Variants in ANHX observed in about 807,000 individuals in gnomAD.
ANHX encodes the protein anomalous homeobox protein.
Under a neutral mutation model 38.9 loss-of-function variants are expected in ANHX, and 20 were observed. The ratio of observed to expected loss-of-function variants is 0.51; its 90% confidence interval spans 0.36 to 0.75. The LOEUF (loss-of-function observed/expected upper bound fraction) is 0.75, where lower values mean the gene tolerates loss of function less well. Ranked by LOEUF, ANHX falls within the 30% of genes least tolerant of loss-of-function variation. The pLI is 0.00. For synonymous variants in ANHX, 185 were observed against 203.1 expected (o/e 0.91, Z 0.76); for missense variants, 475 against 493.1 (o/e 0.96, Z 0.35).
In ANHX at chr12:133,221,763, C is replaced by T. The variant is rs547435520; in HGVS notation, c.1133-411G>A. On this transcript the variant is annotated intron_variant, in intron 7 of 9. Coordinates refer to ENST00000545940, the MANE Select transcript of ANHX (RefSeq NM_001372060.1). This position sits in a 1 kb window ranked among gnomAD's most constrained non-coding sequence, Gnocchi z 4.1. ...CAGCCCTTGGTGGTTTCCACTTTTA[C>T]CTCTTACTAAGGTTACCAAGATGTC... 6.6e-6 allele frequency among the ~76,000 whole-genome samples: 1 copy of T among 152,288 alleles called. No homozygotes were observed. Among genetic ancestry groups the T allele is most frequent in the Admixed American group, 6.5e-5 (1 of 15,300 alleles).
intron 7 of ANHX, among the ~76,000 whole-genome samples, chr12:133,223,957 G>T (rs1260353716): frequency 1.3e-5 from 2 of 152,148 alleles, no homozygotes; most frequent in Non-Finnish European, 2.9e-5. Flanking sequence ...AACCAAACTT[G>T]AAGACAGATT....
rs187214650 is a variant in ANHX, at chr12:133,219,973, C to T, written c.1281-606G>A. Among the ~76,000 whole-genome samples the T allele has an allele frequency of 2.4e-4, 36 of 152,184 alleles. No homozygotes were observed. In the Middle Eastern group the frequency reaches 0.01, roughly 43 times the overall value. ...TGACTCTCAAAGTCGTCATGCAGAG[C>T]GAAGGAAGCCAGACCACAGCAAAAC... is the stretch of plus-strand genomic sequence containing the variant. On this transcript the variant is annotated intron_variant, in intron 8 of 9. Transcript: ENST00000545940.
At chr12:133,225,057 T>G (rs1162332013) in intron 7 of ANHX, among the ~76,000 whole-genome samples, 2 of 152,000 alleles carry the variant, frequency 1.3e-5, no homozygotes, top group Non-Finnish European at 2.9e-5. Flanking sequence ...AGTCTCATGA[T>G]TCTGGTGTAC....
chr12:133,228,174 C>T (rs1364274224), intron 3 of ANHX, among the ~76,000 whole-genome samples: 7 of 152,160 alleles, frequency 4.6e-5, no homozygotes, highest in African/African-American at 1.7e-4. Context: ...GAGGAGCCCT[C>T]TGTGGGCCCT....
rs1379991747 is a variant in ANHX, at chr12:133,224,944, G to GCAAC, written c.1132+591_1132+592insGTTG. On this transcript the variant is annotated intron_variant, in intron 7 of 9. Transcript: ENST00000545940. ...ATCACGCCACTGCACTCCAGCCTGGGTGAGCAAGACTCCGTCTCAAAAAAA... is the reference window on the plus strand; with the variant it reads ...ATCACGCCACTGCACTCCAGCCTGGGCAACTGAGCAAGACTCCGTCTCAAAAAAA... Among the ~76,000 whole-genome samples the GCAAC allele has an allele frequency of 7.1e-4, 104 of 147,294 alleles. 2 individuals are homozygous for GCAAC. Among genetic ancestry groups the GCAAC allele is most frequent in the Non-Finnish European group, 4.5e-4 (30 of 67,094 alleles).
At position 133,231,528 on chromosome 12, in the gene ANHX, G is replaced by T; in HGVS notation, c.366C>A (p.Arg122=). The T allele has an allele frequency of 6.5e-7, 1 of 1,536,148 alleles. No homozygotes were observed. The highest frequency in any genetic ancestry group is 8.7e-7 in the Non-Finnish European group (1 of 1,146,916). The change falls in exon 3 of 10, where the codon CGC becomes CGA. Residue 122 remains arginine, a synonymous_variant. Coordinates refer to ENST00000545940, the MANE Select transcript of ANHX (RefSeq NM_001372060.1). ...TGCTTGTAGGTTACCTCTTCCTGCA[G>T]CGGAACTTCTGCACCGGGGTGAGCG... The part of the protein sequence containing the change: ...VAALTPVQKF[R]CRKRNPPPPS...
chr12:133,224,462 G>C, intron 7 of ANHX, among the ~76,000 whole-genome samples: 1 of 149,760 alleles, frequency 6.7e-6, no homozygotes, highest in East Asian at 2.0e-4. Context: ...AGGAGTTTGA[G>C]ACCAGCCTGG....
At chr12:133,230,049 C>A (rs879894472) in intron 3 of ANHX, among the ~76,000 whole-genome samples, 1 of 152,238 alleles carries the variant, frequency 6.6e-6, no homozygotes, top group Non-Finnish European at 1.5e-5. Flanking sequence ...AAGCAGCCAA[C>A]CTTGCACAGC....
At chr12:133,219,655 A>G (rs1416602561) in intron 8 of ANHX, among the ~76,000 whole-genome samples, 3 of 152,184 alleles carry the variant, frequency 2.0e-5, no homozygotes, top group African/African-American at 4.8e-5. Flanking sequence ...AGAGACCTCA[A>G]AGGAGGAAGA....
Position 133,221,357 on chromosome 12 carries a change from A to T in ANHX, c.1133-5T>A. On this transcript the variant is annotated splice_region_variant and splice_polypyrimidine_tract_variant and intron_variant, in intron 7 of 9. Coordinates refer to ENST00000545940, the MANE Select transcript of ANHX (RefSeq NM_001372060.1). This position sits in a 1 kb window ranked among gnomAD's most constrained non-coding sequence, Gnocchi z 4.1. ...CGCTGGGGGGGCCAGAAAACCCTGC[A>T]TGTAATGAGATTCCACGGCACACTG... The T allele has an allele frequency of 6.5e-7, 1 of 1,533,578 alleles. No individual in the cohort carries two copies. The highest frequency in any genetic ancestry group is 8.7e-7 in the Non-Finnish European group (1 of 1,145,572). The allele number at this position is 1,533,578 out of a possible 1,614,324, so 95.0% of individuals were successfully genotyped here. A position where few individuals can be genotyped will look rare whatever the true frequency, so the allele number is the denominator to read the frequency against.
Position 133,233,812 on chromosome 12 carries a change from C to G in ANHX, c.249+296G>C, listed in dbSNP as rs147756605. Among the ~76,000 whole-genome samples the G allele has an allele frequency of 4.7e-3, 709 of 152,316 alleles. 5 individuals carry two copies. The highest frequency in any genetic ancestry group is 0.016 in the African/African-American group (680 of 41,566). The stretch of plus-strand genomic sequence containing the variant: ...TGCTGGCTCTCCAAAGACAGGACTG[C>G]ATTTTATTCACTCACTTTATTGGCA... On this transcript the variant is annotated intron_variant, in intron 2 of 9. Transcript: ENST00000545940.
At chr12:133,230,562 C>T (rs1957255624) in intron 3 of ANHX, among the ~76,000 whole-genome samples, 1 of 152,184 alleles carries the variant, frequency 6.6e-6, no homozygotes, top group South Asian at 2.1e-4. Flanking sequence ...AAGAATAAGG[C>T]TCCCCGGAGT....
At chr12:133,222,754 G>A (rs1179107143) in intron 7 of ANHX, among the ~76,000 whole-genome samples, 1 of 152,180 alleles carries the variant, frequency 6.6e-6, no homozygotes, top group Non-Finnish European at 1.5e-5. Flanking sequence ...CAACAGTCCT[G>A]ACTTCAGACA....
At chr12:133,225,873 C>T (rs1957182219) in intron 6 of ANHX, among the ~76,000 whole-genome samples, 45 bp from the exon 7 acceptor site, 1 of 152,164 alleles carries the variant, frequency 6.6e-6, no homozygotes, top group African/African-American at 2.4e-5. Flanking sequence ...CAGAGCCTCC[C>T]TCAGGGCAGG....
chr12:133,231,753 G>A, intron 2 of ANHX, 109 bp from the exon 3 acceptor site: 4 of 1,347,476 alleles, frequency 3.0e-6, no homozygotes, highest in Non-Finnish European at 3.0e-6. Context: ...GCAGTGATGG[G>A]AAGAGCAGGG....
rs1161912214 is a variant in ANHX at position 133,227,067 on chromosome 12, G to T, written c.587C>A (p.Pro196His). Residue 196 changes from proline (P) to histidine (H), a missense_variant, in exon 5 of 10, where the codon CCC becomes CAC. By Grantham distance (77) the Pro-to-His change is moderately conservative (BLOSUM62 -2). Transcript: ENST00000545940. Reference protein sequence around the residue: ...ANYRRRQRALPQHMKPAQQAT... With the variant: ...ANYRRRQRALHQHMKPAQQAT... ...CTGCTGGGCTGGCTTCATGTGCTGG[G>T]GAAGGGCTCTTTGGCGGCGCCGGTA... 1 of 1,536,082 alleles carries T rather than the reference G, an allele frequency of 6.5e-7. No individual in the cohort carries two copies. The highest frequency in any genetic ancestry group is 8.7e-7 in the Non-Finnish European group (1 of 1,146,876).
Position 133,221,142 on chromosome 12 carries a change from G to T in ANHX, c.1280+63C>A. 1.3e-6 allele frequency: 2 copies of T among 1,518,560 alleles called. No individual in the cohort carries two copies. Among genetic ancestry groups the T allele is most frequent in the Non-Finnish European group, 1.8e-6 (2 of 1,135,932 alleles). The allele number at this position is 1,518,560 out of a possible 1,614,324, so 94.1% of individuals were successfully genotyped here. On this transcript the variant is annotated intron_variant, in intron 8 of 9. Coordinates refer to ENST00000545940, the MANE Select transcript of ANHX (RefSeq NM_001372060.1). The surrounding 1 kb of genome is among the most constrained non-coding windows in gnomAD (Gnocchi z 4.1). ...CCGGGACGGTGAGTCTATAAACTGG[G>T]CATTACCCTATCTTGTGGCCTGTGG...
At chr12:133,226,814 AC>A in intron 5 of ANHX, 121 bp downstream of exon 5, 11 of 980,674 alleles carry the variant, frequency 1.1e-5, no homozygotes, top group Non-Finnish European at 1.6e-5. Flanking sequence ...CCACAGAGTG[AC>A]ACCTGGAACC....
chr12:133,226,840 G>C (rs1957196010), intron 5 of ANHX, 96 bp downstream of exon 5: 13 of 1,197,674 alleles, frequency 1.1e-5, no homozygotes, highest in Non-Finnish European at 1.5e-5. Context: ...GATTGGAGGA[G>C]GGCTACCCCT....
Sources: gnomAD v4.1 joint callset for allele counts (sites outside exome capture counted in the v4.1 genomes callset) on GRCh38, gnomAD v4.1.1 for gene constraint, Gnocchi (gnomAD v3.1) non-coding constraint, MANE v1.5 for transcripts, NCBI Gene and HGNC (gene_info 2026-07-23, HGNC 2026-07-21) for gene names.